Variants in ANKFN1 observed in about 807,000 individuals in gnomAD.
The protein encoded by ANKFN1 is ankyrin repeat and fibronectin type-III domain-containing protein 1.
Under a neutral mutation model 108.7 loss-of-function variants are expected in ANKFN1, and 74 were observed. That is an observed-to-expected ratio of 0.68 (90% CI 0.56 to 0.83). The LOEUF (loss-of-function observed/expected upper bound fraction) is 0.83. ANKFN1 is among the 40% of genes least tolerant of loss of function. The probability of loss-of-function intolerance (pLI) is 0.00; values close to 1 mark genes in which losing one functional copy is unlikely to be tolerated. For missense variants in ANKFN1, 1,505 were observed against 1,382.3 expected (o/e 1.09, Z -1.41); for synonymous variants, 547 against 516.2 (o/e 1.06, Z -0.81).
intron 8 of ANKFN1, among the ~76,000 whole-genome samples, chr17:56,391,366 ATATGTGTGTG>A (rs1244951525): frequency 4.8e-4 from 37 of 77,534 alleles, no homozygotes; most frequent in African/African-American, 2.3e-3. Context: ...ATACATATAT[ATATGTGTGTG>A]TGTGTGTGTG....
chr17:56,433,449 A>C (rs1234611503), intron 8 of ANKFN1, among the ~76,000 whole-genome samples: 2 of 152,114 alleles, frequency 1.3e-5, no homozygotes, highest in Non-Finnish European at 2.9e-5. Context: ...TGAGATATAC[A>C]TACATACTAT....
At chr17:56,268,419 ACAG>A (rs2144163054) in intron 3 of ANKFN1, among the ~76,000 whole-genome samples, 1 of 152,366 alleles carries the variant, frequency 6.6e-6, no homozygotes, top group South Asian at 2.1e-4. Context: ...TCTCTGAGAT[ACAG>A]CTAAAGCAGT....
At chr17:56,229,871 G>C (rs1431594148) in intron 3 of ANKFN1, among the ~76,000 whole-genome samples, 2 of 152,046 alleles carry the variant, frequency 1.3e-5, no homozygotes, top group East Asian at 1.9e-4. Flanking sequence ...GGTCTACCCA[G>C]CTCCCCAAGC....
At chr17:56,180,575 A>C (rs1354205742) in intron 1 of ANKFN1, among the ~76,000 whole-genome samples, 1 of 152,208 alleles carries the variant, frequency 6.6e-6, no homozygotes. Flanking sequence ...AGGTTCCCCC[A>C]GTATGTAGTG....
intron 4 of ANKFN1, among the ~76,000 whole-genome samples, chr17:56,071,880 C>G (rs1348592121): frequency 6.6e-6 from 1 of 152,204 alleles, no homozygotes; most frequent in Non-Finnish European, 1.5e-5. Flanking sequence ...TTCTGCAGAA[C>G]AAGGCACTCA....
chr17:56,404,505 C>CT lies in ANKFN1; in HGVS notation c.910+29797dup, dbSNP rs576753310. ...TAAAAGTGTGTCCAAAGTTTCCTGACTTTTTTATGGTTTTTTCTTCAAGCG... is the reference window on the plus strand; with the variant it reads ...TAAAAGTGTGTCCAAAGTTTCCTGACTTTTTTTATGGTTTTTTCTTCAAGCG... On this transcript the variant is annotated intron_variant, in intron 8 of 20. Transcript: ENST00000682825. Among the ~76,000 whole-genome samples the CT allele has an allele frequency of 3.4e-3, 516 of 152,212 alleles. 3 individuals carry two copies. Among genetic ancestry groups the CT allele is most frequent in the Non-Finnish European group, 6.1e-3 (417 of 68,014 alleles).
intron 4 of ANKFN1, among the ~76,000 whole-genome samples, chr17:56,084,382 A>G (rs1328761735): frequency 6.6e-6 from 1 of 151,306 alleles, no homozygotes; most frequent in Non-Finnish European, 1.5e-5. Flanking sequence ...GATAAAAACC[A>G]TGAAGGGTAT....
intron 1 of ANKFN1, among the ~76,000 whole-genome samples, chr17:56,198,336 T>A (rs905964965): frequency 6.6e-6 from 1 of 152,208 alleles, no homozygotes; most frequent in Non-Finnish European, 1.5e-5. Flanking sequence ...CCTCATGACC[T>A]CGATCTCTCA....
At chr17:56,238,832 G>A (rs1917360634) in intron 3 of ANKFN1, among the ~76,000 whole-genome samples, 1 of 152,130 alleles carries the variant, frequency 6.6e-6, no homozygotes, top group East Asian at 1.9e-4. Flanking sequence ...TTGCTCCCCG[G>A]CAAACTGGTA....
intron 4 of ANKFN1, among the ~76,000 whole-genome samples, chr17:56,140,411 C>T (rs1321148898): frequency 1.3e-5 from 2 of 152,116 alleles, no homozygotes; most frequent in Admixed American, 6.6e-5. Flanking sequence ...ATCAACCATC[C>T]GAAAGGGAGG....
chr17:56,297,515 A>G (rs2044548912), intron 3 of ANKFN1, among the ~76,000 whole-genome samples: 2 of 152,202 alleles, frequency 1.3e-5, no homozygotes, highest in Non-Finnish European at 2.9e-5. Context: ...TTGAACTTCA[A>G]AACAACAGCC....
At chr17:56,412,887 AC>A (rs2048135260) in intron 8 of ANKFN1, among the ~76,000 whole-genome samples, 1 of 152,190 alleles carries the variant, frequency 6.6e-6, no homozygotes, top group Non-Finnish European at 1.5e-5. Flanking sequence ...CCTCCAGAGA[AC>A]CCTGACAGTG....
chr17:56,293,719 G>T (rs2044431160), intron 3 of ANKFN1, among the ~76,000 whole-genome samples: 1 of 152,210 alleles, frequency 6.6e-6, no homozygotes, highest in Non-Finnish European at 1.5e-5. Flanking sequence ...TCTACTCTGA[G>T]ATTTGATTGC....
chr17:56,061,068 T>C (rs1904965341), intron 4 of ANKFN1, among the ~76,000 whole-genome samples: 1 of 152,062 alleles, frequency 6.6e-6, no homozygotes, highest in Non-Finnish European at 1.5e-5. Context: ...GGTCCTGGGC[T>C]TTTTTTGGTT....
At chr17:56,181,550 G>A (rs1040524806) in intron 1 of ANKFN1, among the ~76,000 whole-genome samples, 1 of 152,164 alleles carries the variant, frequency 6.6e-6, no homozygotes, top group Non-Finnish European at 1.5e-5. Flanking sequence ...TTAAGCTCAG[G>A]TAGGCTGGCT....
chr17:56,457,784 T>C, intron 13 of ANKFN1, 79 bp from the exon 14 acceptor site: 1 of 1,067,882 alleles, frequency 9.4e-7, no homozygotes, highest in Non-Finnish European at 1.4e-6. Flanking sequence ...GATTTCTTTC[T>C]CCCTGCTTTG....
At chr17:56,373,306 G>A (rs1375346794) in intron 7 of ANKFN1, among the ~76,000 whole-genome samples, 5 of 152,264 alleles carry the variant, frequency 3.3e-5, no homozygotes, top group South Asian at 2.1e-4. Flanking sequence ...ACAGGCAACC[G>A]AAAAGAACAA....
rs577183088 is a variant in ANKFN1, at chr17:56,510,700, G to T, written c.2872G>T (p.Glu958Ter). ...PLGPGQDPQG[E>*]GPNPDHSCAE... Reference sequence around the variant, plus strand: ...GGGGCCGGGCCAGGATCCCCAGGGCGAGGGCCCAAATCCCGATCACTCATG... The same window carrying T: ...GGGGCCGGGCCAGGATCCCCAGGGCTAGGGCCCAAATCCCGATCACTCATG... The change falls in exon 21 of 21, where the codon GAG (glutamate) becomes TAG (stop). Residue 958 changes from glutamate to a stop codon, truncating the protein, a stop_gained. Coordinates refer to ENST00000682825, the MANE Select transcript of ANKFN1 (RefSeq NM_001370326.1). LOFTEE classifies it low-confidence loss of function (END_TRUNC). 6.5e-7 allele frequency: 1 copy of T among 1,536,126 alleles called. No individual in the cohort carries two copies. The highest frequency in any genetic ancestry group is 1.2e-5 in the South Asian group (1 of 84,066).
chr17:56,215,123 T>C (rs1915329450), intron 2 of ANKFN1, among the ~76,000 whole-genome samples: 1 of 152,220 alleles, frequency 6.6e-6, no homozygotes. Context: ...GCCTCTGGTA[T>C]AGAGTCATCT....
Sources: allele counts gnomAD v4.1 joint callset (sites outside exome capture counted in the v4.1 genomes callset), GRCh38; gene constraint gnomAD v4.1.1; transcripts MANE v1.5; gene names NCBI Gene and HGNC (gene_info 2026-07-23, HGNC 2026-07-21).